Variants in FRMD4A observed in about 807,000 individuals in gnomAD.
FRMD4A encodes FERM domain-containing protein 4A.
FRMD4A carries 29 observed loss-of-function variants against 129.1 expected under a neutral mutation model. The ratio of observed to expected loss-of-function variants is 0.22; its 90% CI spans 0.17 to 0.31. FRMD4A has a LOEUF of 0.31. Ranked by LOEUF, FRMD4A falls within the 10% of genes least tolerant of loss-of-function variation. The probability of loss-of-function intolerance (pLI) is 1.00; values close to 1 mark genes in which losing one functional copy is unlikely to be tolerated. For missense variants in FRMD4A, 1,272 were observed against 1,375.8 expected, an observed-to-expected ratio of 0.92 and a Z score of 1.19; for synonymous variants, 634 against 571.6, an observed-to-expected ratio of 1.11 and a Z score of -1.56.
intron 6 of FRMD4A, among the ~76,000 whole-genome samples, chr10:13,768,080 ATGTGTG>A (rs36052011): frequency 1.3e-5 from 2 of 149,986 alleles, no homozygotes; most frequent in African/African-American, 4.9e-5. Context: ...GTCTGCAGGT[ATGTGTG>A]TGTGTGTGTG....
intron 2 of FRMD4A, among the ~76,000 whole-genome samples, chr10:13,951,650 G>A (rs1163104808): frequency 6.6e-6 from 1 of 152,064 alleles, no homozygotes; most frequent in Non-Finnish European, 1.5e-5. Flanking sequence ...TGCCCTTTGG[G>A]AGGCTGAGGT....
At position 13,660,280 on chromosome 10, in the gene FRMD4A, G is replaced by A. The variant is rs775204558; in HGVS notation, c.1898+36C>T. 4 of 1,295,318 alleles carry A rather than the reference G, an allele frequency of 3.1e-6. No individual in the cohort carries two copies. The South Asian group carries it at 4.8e-5, about 15-fold the overall frequency. 80.2% of individuals were successfully genotyped at this position (1,295,318 alleles called of 1,614,324 possible). On this transcript the variant is annotated intron_variant, in intron 20 of 24. Coordinates refer to ENST00000357447, the MANE Select transcript of FRMD4A (RefSeq NM_018027.5). ...CTTTGATTCTTCCAGAGCATAGAGG[G>A]AGGCCTCATTTGGCCTCATTCACGA...
chr10:14,021,258 G>T (rs996688879), intron 2 of FRMD4A, among the ~76,000 whole-genome samples: 1 of 151,968 alleles, frequency 6.6e-6, no homozygotes, highest in African/African-American at 2.4e-5. Context: ...AAGCTGGGGG[G>T]TCCAGACATG....
intron 3 of FRMD4A, among the ~76,000 whole-genome samples, chr10:13,846,062 C>T (rs1037360943): frequency 6.6e-6 from 1 of 152,184 alleles, no homozygotes; most frequent in Non-Finnish European, 1.5e-5. Context: ...CAGTTACCTA[C>T]CTCATAGAGT....
chr10:13,967,554 A>T (rs2095493052), intron 2 of FRMD4A, among the ~76,000 whole-genome samples: 1 of 152,198 alleles, frequency 6.6e-6, no homozygotes, highest in Admixed American at 6.5e-5. Context: ...AAAAAAACAA[A>T]AACAAAAACA....
At chr10:13,647,647 C>CTTTA (rs2081215434) in intron 24 of FRMD4A, 1 of 150,934 alleles carries the variant, frequency 6.6e-6, no homozygotes, top group Non-Finnish European at 1.5e-5. Context: ...GATGACTTTG[C>CTTTA]TTTATTCTAA....
chr10:13,853,514 T>C (rs1443148804), intron 3 of FRMD4A, among the ~76,000 whole-genome samples: 1 of 151,254 alleles, frequency 6.6e-6, no homozygotes, highest in African/African-American at 2.4e-5. Context: ...CCACAGCTGG[T>C]TGATAGAGCG....
intron 2 of FRMD4A, among the ~76,000 whole-genome samples, chr10:14,118,871 T>C (rs1356534411): frequency 6.6e-6 from 1 of 152,132 alleles, no homozygotes; most frequent in East Asian, 1.9e-4. Flanking sequence ...AGCCAAACCA[T>C]ATCACTGACT....
At chr10:14,320,912 G>A (rs1398172593) in intron 2 of FRMD4A, among the ~76,000 whole-genome samples, 1 of 152,214 alleles carries the variant, frequency 6.6e-6, no homozygotes, top group Admixed American at 6.5e-5. Context: ...GCTTCTTGCA[G>A]CTCACCCTTC....
intron 2 of FRMD4A, among the ~76,000 whole-genome samples, chr10:14,111,980 GGAAGGCAGGGAAGGAAGGGAGGGAA>G (rs1273641515): frequency 8.6e-6 from 1 of 116,390 alleles, no homozygotes; most frequent in East Asian, 3.1e-4. Flanking sequence ...GGGGAGGGGA[GGAAGGCAGGGAAGGAAGGGAGGGAA>G]GGAAGGGTGG....
chr10:14,165,961 A>G (rs559977253), intron 2 of FRMD4A, among the ~76,000 whole-genome samples: 2 of 152,282 alleles, frequency 1.3e-5, no homozygotes, highest in South Asian at 4.1e-4. Flanking sequence ...GCATCATGCA[A>G]TCTAGCCCTT....
intron 2 of FRMD4A, among the ~76,000 whole-genome samples, chr10:14,224,727 C>T (rs368735630): frequency 2.0e-5 from 3 of 152,224 alleles, no homozygotes; most frequent in East Asian, 3.9e-4. Context: ...TCATTTATCT[C>T]CTTGGAGCGT....
intron 15 of FRMD4A, among the ~76,000 whole-genome samples, chr10:13,682,063 T>TA (rs113904196): frequency 0.45 from 67,258 of 149,480 alleles, 16,367 homozygotes; most frequent in Non-Finnish European, 0.57. Flanking sequence ...CTACAAAAAT[T>TA]AAAAAAAAAA....
intron 2 of FRMD4A, among the ~76,000 whole-genome samples, chr10:14,308,274 A>G (rs1846419225): frequency 6.6e-6 from 1 of 152,144 alleles, no homozygotes; most frequent in Non-Finnish European, 1.5e-5. Flanking sequence ...CTTGAATGAC[A>G]CTCTTTTAAA....
At chr10:14,305,800 AAAAG>A (rs1846331134) in intron 2 of FRMD4A, among the ~76,000 whole-genome samples, 1 of 152,236 alleles carries the variant, frequency 6.6e-6, no homozygotes, top group Non-Finnish European at 1.5e-5. Context: ...GCTGCCATAA[AAAAG>A]AAAGAGATCG....
chr10:13,657,558 G>A (rs2082273293), intron 21 of FRMD4A, 36 bp from the exon 22 acceptor site: 6 of 1,523,524 alleles, frequency 3.9e-6, no homozygotes, highest in Non-Finnish European at 5.3e-6. Flanking sequence ...CTGGGGGTGG[G>A]GAGTGGGCCC....
chr10:14,187,116 C>T (rs1842170210), intron 2 of FRMD4A, among the ~76,000 whole-genome samples: 2 of 123,244 alleles, frequency 1.6e-5, no homozygotes, highest in Non-Finnish European at 3.2e-5. Context: ...AAGGCTCTGT[C>T]TCAAAGGAAA....
At chr10:13,956,461 T>C (rs2095410930) in intron 2 of FRMD4A, among the ~76,000 whole-genome samples, 2 of 152,214 alleles carry the variant, frequency 1.3e-5, no homozygotes, top group Admixed American at 1.3e-4. Flanking sequence ...CTTATGTAGG[T>C]TCTTTATCTC....
intron 6 of FRMD4A, among the ~76,000 whole-genome samples, chr10:13,763,522 G>A (rs554782482): frequency 1.3e-5 from 2 of 152,256 alleles, no homozygotes; most frequent in East Asian, 3.9e-4. Context: ...ACTGTAGAAA[G>A]TTCTATTGGT....
Sources: gnomAD v4.1 joint callset for allele counts (sites outside exome capture counted in the v4.1 genomes callset) on GRCh38, gnomAD v4.1.1 for gene constraint, MANE v1.5 for transcripts, NCBI Gene and HGNC (gene_info 2026-07-23, HGNC 2026-07-21) for gene names.